The following PPP2R3A variants were observed in gnomAD, a reference collection of about 807,000 sequenced individuals.
PPP2R3A encodes serine/threonine-protein phosphatase 2A regulatory subunit B'' subunit alpha.
Under a neutral mutation model 106.9 loss-of-function variants are expected in PPP2R3A, and 80 were observed. The ratio of observed to expected loss-of-function variants is 0.75; its 90% CI spans 0.62 to 0.90. The LOEUF (loss-of-function observed/expected upper bound fraction) is 0.90, where lower values mean the gene tolerates loss of function less well. Ranked by LOEUF, PPP2R3A falls within the 40% of genes least tolerant of loss-of-function variation. The pLI, the probability that PPP2R3A is intolerant of heterozygous loss-of-function variation, is 0.00. For synonymous variants in PPP2R3A, 483 were observed against 468.3 expected (o/e 1.03, Z -0.41); for missense variants, 1,386 against 1,350.4 (o/e 1.03, Z -0.41).
At chr3:136,017,622 A>T (rs1330053346) in intron 2 of PPP2R3A, among the ~76,000 whole-genome samples, 5 of 152,174 alleles carry the variant, frequency 3.3e-5, no homozygotes, top group African/African-American at 1.2e-4. Flanking sequence ...CACCCTCATG[A>T]TATACCAGGA....
chr3:136,020,683 C>T (rs1934435319), intron 2 of PPP2R3A, among the ~76,000 whole-genome samples: 1 of 151,906 alleles, frequency 6.6e-6, no homozygotes, highest in Non-Finnish European at 1.5e-5. Flanking sequence ...CCAGCATAAA[C>T]AGACTGAGGA....
chr3:136,073,313 T>G (rs1407403855), intron 6 of PPP2R3A, among the ~76,000 whole-genome samples: 1 of 152,226 alleles, frequency 6.6e-6, no homozygotes, highest in African/African-American at 2.4e-5. Flanking sequence ...CATGAAACCA[T>G]TTTGTTCACA....
At chr3:136,001,037 T>G in intron 1 of PPP2R3A, 22 bp from the exon 2 acceptor site, 1 of 384,790 alleles carries the variant, frequency 2.6e-6, no homozygotes, top group South Asian at 1.4e-4. Context: ...AAATTTCCTT[T>G]TAATTTTTTT....
At chr3:136,077,495 G>C (rs1936635115) in intron 6 of PPP2R3A, among the ~76,000 whole-genome samples, 2 of 146,550 alleles carry the variant, frequency 1.4e-5, no homozygotes, top group Non-Finnish European at 3.0e-5. Context: ...AAAGCAGAAT[G>C]CACCCCCCCA....
intron 1 of PPP2R3A, among the ~76,000 whole-genome samples, chr3:135,976,522 A>G (rs1937425927): frequency 6.6e-6 from 1 of 152,222 alleles, no homozygotes; most frequent in African/African-American, 2.4e-5. Flanking sequence ...ACACAACATA[A>G]CAGGTGCTTG....
At chr3:136,113,060 G>A (rs1210814709) in intron 13 of PPP2R3A, among the ~76,000 whole-genome samples, 1 of 152,032 alleles carries the variant, frequency 6.6e-6, no homozygotes, top group Non-Finnish European at 1.5e-5. Context: ...TTGAGCCCAG[G>A]AGGTGGAGGT....
At chr3:136,030,784 A>ATGTG in intron 3 of PPP2R3A, among the ~76,000 whole-genome samples, 1 of 116,136 alleles carries the variant, frequency 8.6e-6, no homozygotes, top group Non-Finnish European at 1.9e-5. Flanking sequence ...ATATATATGT[A>ATGTG]TGTATGTATG....
intron 10 of PPP2R3A, among the ~76,000 whole-genome samples, chr3:136,093,616 G>T (rs1361979476): frequency 2.0e-5 from 3 of 152,116 alleles, no homozygotes; most frequent in Admixed American, 2.0e-4. Context: ...TTTCTCCAAA[G>T]AAGATATATG....
At chr3:136,144,517 C>G (rs911424244) in intron 13 of PPP2R3A, among the ~76,000 whole-genome samples, 19 of 152,206 alleles carry the variant, frequency 1.2e-4, no homozygotes, top group Admixed American at 1.1e-3. Context: ...AAAACTTAGC[C>G]AGGTGTGGTG....
At chr3:136,112,717 G>A (rs566982948) in intron 13 of PPP2R3A, among the ~76,000 whole-genome samples, 24 of 152,270 alleles carry the variant, frequency 1.6e-4, no homozygotes, top group Non-Finnish European at 1.3e-4. Flanking sequence ...CATTGTGCTC[G>A]TGGACAGGAA....
At chr3:136,113,255 G>A (rs1267523990) in intron 13 of PPP2R3A, among the ~76,000 whole-genome samples, 2 of 152,160 alleles carry the variant, frequency 1.3e-5, no homozygotes, top group Admixed American at 6.5e-5. Context: ...GCATGGTGCT[G>A]ATACAAAAAC....
At chr3:136,107,146 G>C (rs1341641258) in intron 13 of PPP2R3A, among the ~76,000 whole-genome samples, 1 of 151,998 alleles carries the variant, frequency 6.6e-6, no homozygotes. Context: ...TTTATAATTT[G>C]CTGGTTTTTT....
At chr3:136,115,594 G>A (rs1036495602) in intron 13 of PPP2R3A, among the ~76,000 whole-genome samples, 4 of 151,634 alleles carry the variant, frequency 2.6e-5, no homozygotes, top group Non-Finnish European at 5.9e-5. Flanking sequence ...CAAGAACCTC[G>A]TGAAGCATAT....
chr3:136,057,795 TAAC>T (rs1559894103), intron 5 of PPP2R3A, among the ~76,000 whole-genome samples: 2 of 152,068 alleles, frequency 1.3e-5, no homozygotes, highest in Non-Finnish European at 2.9e-5. Context: ...AGACGAAAGA[TAAC>T]AAGTGTTGGA....
At position 136,023,911 on chromosome 3, in the gene PPP2R3A, A is replaced by G. The variant is rs1934556878; in HGVS notation, c.1996-2921A>G. ...CCTAACATTGACTACAATATAAATC[A>G]AGGACTGTACAAATGCTGGCCATCC... is the stretch of plus-strand genomic sequence containing the variant. On this transcript the variant is annotated intron_variant, in intron 2 of 13. Transcript: ENST00000264977. 2.0e-5 allele frequency among the ~76,000 whole-genome samples: 3 copies of G among 152,130 alleles called. No homozygotes were observed. The South Asian group carries it at 6.2e-4, about 31-fold the overall frequency.
At chr3:136,022,089 A>G (rs957591385) in intron 2 of PPP2R3A, among the ~76,000 whole-genome samples, 3 of 152,146 alleles carry the variant, frequency 2.0e-5, no homozygotes, top group Non-Finnish European at 4.4e-5. Context: ...TTAATATATG[A>G]TGAAATAATA....
At chr3:136,106,455 T>G in intron 13 of PPP2R3A, 133 bp downstream of exon 13, 2 of 714,126 alleles carry the variant, frequency 2.8e-6, no homozygotes, top group Non-Finnish European at 4.6e-6. Context: ...TTAGCCAACT[T>G]TAGTTAAATG....
Position 136,078,393 on chromosome 3 carries a change from C to G in PPP2R3A, c.2571C>G (p.Val857=), listed in dbSNP as rs1392968775. 1.2e-6 allele frequency: 2 copies of G among 1,609,624 alleles called. No homozygotes were observed. The highest frequency in any genetic ancestry group is 1.7e-6 in the Non-Finnish European group (2 of 1,177,226). ...TTATTCAGAGAATATTCTACACAGTCAACAGATCTTGGAGTGGAAAAATTA... is the reference window on the plus strand; with the variant it reads ...TTATTCAGAGAATATTCTACACAGTGAACAGATCTTGGAGTGGAAAAATTA... ...TTVIQRIFYT[V]NRSWSGKITS... The change falls in exon 7 of 14, where the codon GTC becomes GTG. Residue 857 remains valine, a synonymous_variant. Transcript: ENST00000264977.
chr3:136,023,704 C>A (rs1934547260), intron 2 of PPP2R3A, among the ~76,000 whole-genome samples: 1 of 151,368 alleles, frequency 6.6e-6, no homozygotes, highest in African/African-American at 2.4e-5. Flanking sequence ...TCTATATAGA[C>A]AATTGTGTAT....
Sources: gnomAD v4.1 joint callset for allele counts (sites outside exome capture counted in the v4.1 genomes callset) on GRCh38, gnomAD v4.1.1 for gene constraint, MANE v1.5 for transcripts, NCBI Gene and HGNC (gene_info 2026-07-23, HGNC 2026-07-21) for gene names.